The following MSR1 variants were observed in gnomAD, a reference collection of about 807,000 sequenced individuals.
MSR1 encodes the protein macrophage scavenger receptor 1, also known as macrophage scavenger receptor types I and II.
Under a neutral mutation model 47.2 loss-of-function variants are expected in MSR1, and 53 were observed. That is an observed-to-expected ratio of 1.12 (90% confidence interval 0.90 to 1.41). MSR1 has a LOEUF of 1.41. Ranked by LOEUF, MSR1 falls within the 40% of genes most tolerant of loss-of-function variation. The pLI is 0.00. For synonymous variants in MSR1, 239 were observed against 185.6 expected (o/e 1.29, Z -2.34); for missense variants, 786 against 546.9 (o/e 1.44, Z -4.36).
intron 8 of MSR1, among the ~76,000 whole-genome samples, chr8:16,124,270 T>A (rs1800078349): frequency 1.3e-5 from 2 of 152,158 alleles, no homozygotes. Context: ...CAAAAAATCT[T>A]AAGTCCATTC....
chr8:16,187,883 A>G (rs1482901120), intron 1 of MSR1, among the ~76,000 whole-genome samples: 1 of 152,180 alleles, frequency 6.6e-6, no homozygotes, highest in Non-Finnish European at 1.5e-5. Flanking sequence ...TATTAAAATT[A>G]CCAGATTATT....
At chr8:16,168,952 G>A (rs773540608) in intron 3 of MSR1, 82 bp from the exon 4 acceptor site, 335 of 1,376,664 alleles carry the variant, frequency 2.4e-4, no homozygotes, top group Non-Finnish European at 3.2e-4. Context: ...ATTCCATTCC[G>A]TTCATTTTAT....
Position 16,120,536 on chromosome 8 carries a change from G to C in MSR1, c.1104C>G (p.Ser368Arg). The change falls in exon 9 of 10, where the codon AGC becomes AGG. Residue 368 changes from serine to arginine, a missense_variant. Coordinates refer to ENST00000262101, the MANE Select transcript of MSR1 (RefSeq NM_138715.3). The stretch of plus-strand genomic sequence containing the variant: ...CGTCACAAATTGTACCCCACTGGCC[G>C]CTGTGGAGTATCTCCACCCTCCCCT... ...PHEGRVEILH[S>R]GQWGTICDDR... 6.2e-7 allele frequency: 1 copy of C among 1,610,598 alleles called. No homozygotes were observed. Among genetic ancestry groups the C allele is most frequent in the Admixed American group, 1.7e-5 (1 of 59,450 alleles).
At chr8:16,156,778 T>G (rs910513671) in intron 5 of MSR1, among the ~76,000 whole-genome samples, 1 of 151,896 alleles carries the variant, frequency 6.6e-6, no homozygotes, top group Non-Finnish European at 1.5e-5. Flanking sequence ...GTGTATTATA[T>G]TCTAAGGTAT....
chr8:16,128,146 A>G (rs1800171680), intron 8 of MSR1, among the ~76,000 whole-genome samples: 1 of 152,148 alleles, frequency 6.6e-6, no homozygotes, highest in Non-Finnish European at 1.5e-5. Context: ...ACAGAAACAT[A>G]GACAAAGAAA....
chr8:16,166,625 C>T (rs1801319342), intron 4 of MSR1, among the ~76,000 whole-genome samples: 1 of 152,002 alleles, frequency 6.6e-6, no homozygotes, highest in Admixed American at 6.6e-5. Context: ...CACCAGTGAC[C>T]CTCCTAGAAA....
At chr8:16,132,280 C>T (rs1022323599) in intron 8 of MSR1, among the ~76,000 whole-genome samples, 3 of 151,912 alleles carry the variant, frequency 2.0e-5, no homozygotes, top group Admixed American at 1.3e-4. Flanking sequence ...CCTGATTTGG[C>T]TCTCAGCTTG....
At chr8:16,178,719 C>G (rs1279055465) in intron 1 of MSR1, among the ~76,000 whole-genome samples, 1 of 152,128 alleles carries the variant, frequency 6.6e-6, no homozygotes, top group Non-Finnish European at 1.5e-5. Context: ...ACAGTCCCAC[C>G]AACAGTGTAA....
Position 16,168,712 on chromosome 8 carries a change from G to C in MSR1, c.376C>G (p.Gln126Glu). The C allele has an allele frequency of 1.9e-6, 3 of 1,614,038 alleles. No homozygotes were observed. Among genetic ancestry groups the C allele is most frequent in the Non-Finnish European group, 2.5e-6 (3 of 1,180,002 alleles). ...EHMSNMEKRIQHILDMEANLM... is the reference protein window; with the variant it reads ...EHMSNMEKRIEHILDMEANLM... ...TTGGCTTCCATGTCTAAAATATGCT[G>C]GATTCTCTTCTCCATGTTGCTCATG... The change falls in exon 4 of 10, where the codon CAG becomes GAG. Residue 126 changes from glutamine (Q) to glutamate (E), a missense_variant. Gln to Glu is a conservative substitution (Grantham distance 29). Coordinates refer to ENST00000262101, the MANE Select transcript of MSR1 (RefSeq NM_138715.3).
intron 9 of MSR1, among the ~76,000 whole-genome samples, chr8:16,113,299 A>T (rs1799805701): frequency 6.6e-6 from 1 of 151,806 alleles, no homozygotes; most frequent in African/African-American, 2.4e-5. Flanking sequence ...TCTTTGGGGG[A>T]TTTGGGTATC....
chr8:16,167,558 C>A (rs1223417224), intron 4 of MSR1, among the ~76,000 whole-genome samples: 1 of 151,972 alleles, frequency 6.6e-6, no homozygotes, highest in Non-Finnish European at 1.5e-5. Context: ...AACAAACAAA[C>A]AAACAAACAA....
At chr8:16,191,626 T>A (rs1802202204) in intron 1 of MSR1, among the ~76,000 whole-genome samples, 1 of 152,088 alleles carries the variant, frequency 6.6e-6, no homozygotes, top group Non-Finnish European at 1.5e-5. Context: ...AATGTGTAAG[T>A]AACTAGTCAA....
chr8:16,143,039 G>C (rs1488361753), intron 8 of MSR1, among the ~76,000 whole-genome samples: 1 of 152,168 alleles, frequency 6.6e-6, no homozygotes, highest in Non-Finnish European at 1.5e-5. Flanking sequence ...GTCGGCAGTA[G>C]ATTGACAAAT....
chr8:16,119,201 TG>T (rs1799942589), intron 9 of MSR1, among the ~76,000 whole-genome samples: 1 of 152,152 alleles, frequency 6.6e-6, no homozygotes, highest in East Asian at 1.9e-4. Flanking sequence ...CTGAGACTTC[TG>T]CTTAAATCCA....
At chr8:16,139,371 C>T in intron 8 of MSR1, 1 of 936,328 alleles carries the variant, frequency 1.1e-6, no homozygotes, top group Non-Finnish European at 1.3e-6. Flanking sequence ...CACACAATAT[C>T]TTACTTGATC....
chr8:16,108,205 T>C lies in MSR1; in HGVS notation c.*1880A>G, dbSNP rs1799678954. On this transcript the variant is annotated 3_prime_UTR_variant, in exon 10 of 10. Transcript: ENST00000262101. ...CTAGTAATAGTACTAGTAATAGCAA[T>C]AGTACTAGTACTAGCAATAGTACTA... The C allele has an allele frequency of 2.4e-5, 3 of 124,054 alleles. No homozygotes were observed. Among genetic ancestry groups the C allele is most frequent in the South Asian group, 5.6e-4 (2 of 3,590 alleles). The allele number at this position is 124,054 out of a possible 1,614,324, so 7.7% of individuals were successfully genotyped here.
chr8:16,129,627 A>G (rs1204942638), intron 8 of MSR1, among the ~76,000 whole-genome samples: 1 of 152,108 alleles, frequency 6.6e-6, no homozygotes, highest in Non-Finnish European at 1.5e-5. Flanking sequence ...CTGTGCCTGT[A>G]GTTCCAGCTA....
At chr8:16,175,682 C>T (rs549853746) in intron 2 of MSR1, among the ~76,000 whole-genome samples, 1 of 152,192 alleles carries the variant, frequency 6.6e-6, no homozygotes, top group South Asian at 2.1e-4. Flanking sequence ...TCTAAAGTAA[C>T]TATGCAATTT....
chr8:16,191,576 A>G (rs994166259), intron 1 of MSR1, among the ~76,000 whole-genome samples: 18 of 142,652 alleles, frequency 1.3e-4, no homozygotes, highest in African/African-American at 4.7e-4. Context: ...TTCATGAGGT[A>G]CAAGTAGTAT....
Sources: gnomAD v4.1 joint callset for allele counts (sites outside exome capture counted in the v4.1 genomes callset) on GRCh38, gnomAD v4.1.1 for gene constraint, MANE v1.5 for transcripts, NCBI Gene and HGNC (gene_info 2026-07-23, HGNC 2026-07-21) for gene names.